The following MFSD2B variants were observed in gnomAD, a reference collection of about 807,000 sequenced individuals.
MFSD2B encodes the protein sphingosine-1-phosphate transporter MFSD2B.
MFSD2B carries 56 observed loss-of-function variants against 58.4 expected under a neutral mutation model. That is an observed-to-expected ratio of 0.96 (90% confidence interval 0.77 to 1.20). The LOEUF is 1.20. Among genes scored for constraint, MFSD2B ranks in the 50% most tolerant of loss-of-function variants. The pLI is 0.00. For missense variants in MFSD2B, 645 were observed against 667.6 expected (o/e 0.97, Z 0.37); for synonymous variants, 287 against 294.4 (o/e 0.97, Z 0.26).
Position 24,017,215 on chromosome 2 carries a change from C to A in MFSD2B, c.472-71C>A. The A allele has an allele frequency of 6.8e-7, 1 of 1,475,046 alleles. No individual in the cohort carries two copies. The highest frequency in any genetic ancestry group is 9.2e-7 in the Non-Finnish European group (1 of 1,085,180). The allele number at this position is 1,475,046 out of a possible 1,614,324, so 91.4% of individuals were successfully genotyped here. On this transcript the variant is annotated intron_variant, in intron 4 of 13. Transcript: ENST00000338315. This position sits in a 1 kb window ranked among gnomAD's most constrained non-coding sequence, Gnocchi z 4.8. ...CCTGTGGGTGTCGGGATGTGACACC[C>A]AGGATGGGGGAGGTCGCCCGCTGTC...
In MFSD2B at chr2:24,024,133, A is replaced by G; in HGVS notation, c.1352A>G (p.Glu451Gly). The change falls in exon 13 of 14, where the codon GAG becomes GGG. Residue 451 changes from glutamate to glycine, a missense_variant. Transcript: ENST00000338315. The surrounding 1 kb of genome is among the most constrained non-coding windows in gnomAD (Gnocchi z 4.3). ...GYKAGVCKQA[E>G]EVVVTLKVLI... Reference sequence around the variant, plus strand: ...AAGGCAGGGGTCTGCAAGCAAGCAGAGGAGGTGGTGGTCACCCTCAAAGTC... The same window carrying G: ...AAGGCAGGGGTCTGCAAGCAAGCAGGGGAGGTGGTGGTCACCCTCAAAGTC... The G allele has an allele frequency of 6.2e-7, 1 of 1,613,850 alleles. No homozygotes were observed. The highest frequency in any genetic ancestry group is 1.1e-5 in the South Asian group (1 of 91,058).
chr2:24,024,447 C>G lies in MFSD2B; in HGVS notation c.1490+176C>G, dbSNP rs1318360491. 6.6e-6 allele frequency among the ~76,000 whole-genome samples: 1 copy of G among 152,184 alleles called. No homozygotes were observed. Among genetic ancestry groups the G allele is most frequent in the Non-Finnish European group, 1.5e-5 (1 of 68,036 alleles). ...TTTTCTTCTCCCACTCTGGCCACCC[C>G]TTCTCAGTCTTCTTCCTTTGATCAC... On this transcript the variant is annotated intron_variant, in intron 13 of 13. Transcript: ENST00000338315. The surrounding 1 kb of genome is among the most constrained non-coding windows in gnomAD (Gnocchi z 4.3).
chr2:24,016,416 G>A (rs992522060), intron 3 of MFSD2B, 136 bp downstream of exon 3: 1 of 956,366 alleles, frequency 1.0e-6, no homozygotes, highest in South Asian at 1.7e-5. Flanking sequence ...CAGGTGCACT[G>A]GGGACTGACT....
intron 1 of MFSD2B, 66 bp downstream of exon 1, chr2:24,010,258 A>T: frequency 8.2e-7 from 1 of 1,223,744 alleles, no homozygotes; most frequent in Non-Finnish European, 1.0e-6. Flanking sequence ...GTCGCCTCGC[A>T]GCCCCTTTTC....
At chr2:24,013,223 G>C in intron 1 of MFSD2B, 62 bp from the exon 2 acceptor site, 2 of 1,495,970 alleles carry the variant, frequency 1.3e-6, no homozygotes, top group Admixed American at 1.8e-5. Context: ...CTGAAGTCAT[G>C]GGGTGTGGGG....
chr2:24,018,078 C>T (rs971773518), intron 6 of MFSD2B, among the ~76,000 whole-genome samples: 5 of 152,204 alleles, frequency 3.3e-5, no homozygotes, highest in South Asian at 2.1e-4. Context: ...CAGCACTGGG[C>T]GGACACACCT....
chr2:24,011,930 G>C (rs1573629452), intron 1 of MFSD2B, among the ~76,000 whole-genome samples: 1 of 152,182 alleles, frequency 6.6e-6, no homozygotes, highest in Non-Finnish European at 1.5e-5. Flanking sequence ...CTTCCAGGCA[G>C]AGGAATGGGA....
Position 24,016,258 on chromosome 2 carries a change from G to A in MFSD2B, c.325G>A (p.Gly109Arg). The change falls in exon 3 of 14, where the codon GGG becomes AGG. Residue 109 changes from glycine to arginine, a missense_variant. Physicochemically the swap from Gly to Arg is moderately radical, Grantham distance 125 (BLOSUM62 -2). Coordinates refer to ENST00000338315, the MANE Select transcript of MFSD2B (RefSeq NM_001346880.2). ...CTTCATCAACAGGAGCCAGAGGACAGGGTCTGGACGGCTCATGCCTTGGTG... is the reference window on the plus strand; with the variant it reads ...CTTCATCAACAGGAGCCAGAGGACAAGGTCTGGACGGCTCATGCCTTGGTG... ...GFFINRSQRT[G>R]SGRLMPWVLG... 1 of 1,614,004 alleles carries A rather than the reference G, an allele frequency of 6.2e-7. No homozygotes were observed. Among genetic ancestry groups the A allele is most frequent in the East Asian group, 2.2e-5 (1 of 44,884 alleles).
chr2:24,025,335 C>A, intron 13 of MFSD2B, 97 bp from the exon 14 acceptor site: 1 of 1,093,606 alleles, frequency 9.1e-7, no homozygotes, highest in Non-Finnish European at 1.3e-6. Flanking sequence ...GCTGGGAAGA[C>A]AAGGAGCAGC....
chr2:24,023,274 A>G lies in MFSD2B; in HGVS notation c.1169+35A>G, dbSNP rs1205146723. 6.5e-7 allele frequency: 1 copy of G among 1,530,884 alleles called. No homozygotes were observed. Among genetic ancestry groups the G allele is most frequent in the African/African-American group, 1.4e-5 (1 of 73,278 alleles). 94.8% of individuals were successfully genotyped at this position (1,530,884 alleles called of 1,614,324 possible). A position where few individuals can be genotyped will look rare whatever the true frequency, so the allele number is the denominator to read the frequency against. On this transcript the variant is annotated intron_variant, in intron 11 of 13. Transcript: ENST00000338315. The surrounding 1 kb of genome is among the most constrained non-coding windows in gnomAD (Gnocchi z 5.0). Reference sequence around the variant, plus strand: ...GTGTGGGGGCCTCACGTGTGTCCACAGTGGGTGTCACCTCCTTCATGTAAA... The same window carrying G: ...GTGTGGGGGCCTCACGTGTGTCCACGGTGGGTGTCACCTCCTTCATGTAAA...
chr2:24,024,087 T>A lies in MFSD2B; in HGVS notation c.1314-8T>A. 1.2e-6 allele frequency: 2 copies of A among 1,613,046 alleles called. No individual in the cohort carries two copies. The highest frequency in any genetic ancestry group is 2.2e-5 in the South Asian group (2 of 91,032). ...CCCTGCCCTAATGGCTGGCTGATGT[T>A]TCTCCAGGTTCTCGGGGTATAAGGC... On this transcript the variant is annotated splice_region_variant and splice_polypyrimidine_tract_variant and intron_variant, in intron 12 of 13. Coordinates refer to ENST00000338315, the MANE Select transcript of MFSD2B (RefSeq NM_001346880.2). This position sits in a 1 kb window ranked among gnomAD's most constrained non-coding sequence, Gnocchi z 4.3.
Position 24,016,848 on chromosome 2 carries a change from G to A in MFSD2B, c.351G>A (p.Val117=). ...RTGSGRLMPW[V]LGCTPFIALA... Reference sequence around the variant, plus strand: ...CACCTCGGCTGTGCTTCCGCAGGGTGCTGGGCTGCACCCCCTTCATCGCCC... The same window carrying A: ...CACCTCGGCTGTGCTTCCGCAGGGTACTGGGCTGCACCCCCTTCATCGCCC... The change falls in exon 4 of 14, where the codon GTG becomes GTA. Residue 117 remains valine, a synonymous_variant. Transcript: ENST00000338315. The A allele has an allele frequency of 6.2e-7, 1 of 1,613,280 alleles. No individual in the cohort carries two copies.
intron 1 of MFSD2B, 71 bp from the exon 2 acceptor site, chr2:24,013,214 T>A: frequency 6.9e-7 from 1 of 1,453,154 alleles, no homozygotes; most frequent in Non-Finnish European, 9.2e-7. Flanking sequence ...GGATGTTTAC[T>A]GAAGTCATGG....
At chr2:24,015,215 C>T (rs72851401) in intron 2 of MFSD2B, among the ~76,000 whole-genome samples, 1,580 of 151,584 alleles carry the variant, frequency 0.01, 24 homozygotes, top group African/African-American at 0.037. Context: ...GCGGGAGGAC[C>T]GTCTAAGCTC....
At position 24,026,453 on chromosome 2, in the gene MFSD2B, G is replaced by C. The variant is rs557729145; in HGVS notation, c.*997G>C. On this transcript the variant is annotated 3_prime_UTR_variant, in exon 14 of 14. Coordinates refer to ENST00000338315, the MANE Select transcript of MFSD2B (RefSeq NM_001346880.2). Reference sequence around the variant, plus strand: ...AATGATGTGACTGGCAGAGGATGGGGGCTGGTTGCCAGAGAAACCAACCAT... The same window carrying C: ...AATGATGTGACTGGCAGAGGATGGGCGCTGGTTGCCAGAGAAACCAACCAT... The C allele has an allele frequency of 5.3e-5, 8 of 152,288 alleles. No individual in the cohort carries two copies. The South Asian group carries it at 1.7e-3, about 32-fold the overall frequency. The allele number at this position is 152,288 out of a possible 1,614,324, so 9.4% of individuals were successfully genotyped here.
rs953672097 is a variant in MFSD2B, at chr2:24,013,469, AC to A, written c.222+64del. 5 of 1,474,102 alleles carry A rather than the reference AC, an allele frequency of 3.4e-6. No homozygotes were observed. In the African/African-American group the frequency reaches 5.5e-5, roughly 16 times the overall value. 91.3% of individuals were successfully genotyped at this position (1,474,102 alleles called of 1,614,324 possible). A position where few individuals can be genotyped will look rare whatever the true frequency, so the allele number is the denominator to read the frequency against. ...ATCTTCCTTGGGGTCTGGTCCTTCC[AC>A]CCCCACCTCTGCTTCTGCTCCCACT... On this transcript the variant is annotated intron_variant, in intron 2 of 13. Transcript: ENST00000338315.
chr2:24,016,156 A>T lies in MFSD2B; in HGVS notation c.223A>T (p.Ile75Phe). Residue 75 changes from isoleucine (I) to phenylalanine (F), a missense_variant and splice_region_variant, in exon 3 of 14, where the codon ATC becomes TTC. Ile to Phe is a conservative substitution (Grantham distance 21, BLOSUM62 0). Transcript: ENST00000338315. ...LQLFLLDIAQ[I>F]PAAQVSLVLF... ...CTATCCCCTCCCCTGTCTGTTTCAG[A>T]TCCCTGCCGCCCAGGTGTCACTTGT... The T allele has an allele frequency of 6.2e-7, 1 of 1,613,254 alleles. No homozygotes were observed. The highest frequency in any genetic ancestry group is 8.5e-7 in the Non-Finnish European group (1 of 1,179,810).
In MFSD2B at chr2:24,018,912, G is replaced by A. The variant is rs539573441; in HGVS notation, c.681+1324G>A. On this transcript the variant is annotated intron_variant, in intron 6 of 13. Coordinates refer to ENST00000338315, the MANE Select transcript of MFSD2B (RefSeq NM_001346880.2). ...GTTGCCCAGGCTGGAGTGCAGGGGC[G>A]CAATCTCGGCTCACTGCAACCTCCG... is the stretch of plus-strand genomic sequence containing the variant. Among the ~76,000 whole-genome samples, 92 of 149,640 alleles carry A rather than the reference G, an allele frequency of 6.1e-4. 1 individual carries two copies. The highest frequency in any genetic ancestry group is 2.1e-3 in the African/African-American group (87 of 40,680).
Position 24,020,413 on chromosome 2 carries a change from G to A in MFSD2B, c.682-1235G>A. On this transcript the variant is annotated intron_variant, in intron 6 of 13. Transcript: ENST00000338315. The surrounding 1 kb of genome is among the most constrained non-coding windows in gnomAD (Gnocchi z 4.1). ...CATGAGGCCCAGGGCGGTTGCACAG[G>A]ATGAGTGCCCTGCCCCACCCTGCGC... 6.6e-6 allele frequency among the ~76,000 whole-genome samples: 1 copy of A among 152,126 alleles called. No homozygotes were observed. Among genetic ancestry groups the A allele is most frequent in the East Asian group, 1.9e-4 (1 of 5,202 alleles).
Sources: gnomAD v4.1 joint callset for allele counts (sites outside exome capture counted in the v4.1 genomes callset) on GRCh38, gnomAD v4.1.1 for gene constraint, Gnocchi (gnomAD v3.1) non-coding constraint, MANE v1.5 for transcripts, NCBI Gene and HGNC (gene_info 2026-07-23, HGNC 2026-07-21) for gene names.